The following SLC5A8 variants were observed in gnomAD, a reference collection of about 807,000 sequenced individuals.
SLC5A8 encodes the protein solute carrier family 5 member 8, also known as sodium-coupled monocarboxylate transporter 1.
In SLC5A8, 55 loss-of-function variants were observed where a neutral mutation model predicts 71.9. That is an observed-to-expected ratio of 0.77 (90% confidence interval 0.62 to 0.96). The LOEUF is 0.96. Ranked by LOEUF, SLC5A8 falls within the 40% of genes least tolerant of loss-of-function variation. The probability of loss-of-function intolerance (pLI) is 0.00; values close to 1 mark genes in which losing one functional copy is unlikely to be tolerated. For synonymous variants in SLC5A8, 307 were observed against 276.1 expected (o/e 1.11, Z -1.11); for missense variants, 701 against 745.3 (o/e 0.94, Z 0.69).
intron 2 of SLC5A8, 124 bp downstream of exon 2, chr12:101,204,376 G>A: frequency 1.3e-6 from 1 of 789,928 alleles, no homozygotes; most frequent in South Asian, 1.7e-5. Flanking sequence ...TTCCTTTTTT[G>A]TTCCCTCATT....
chr12:101,161,484 GA>G (rs769153703), intron 13 of SLC5A8, among the ~76,000 whole-genome samples: 6 of 151,322 alleles, frequency 4.0e-5, no homozygotes, highest in South Asian at 2.1e-4. Flanking sequence ...ATAAATATCT[GA>G]AAAAAAAGCC....
intron 1 of SLC5A8, among the ~76,000 whole-genome samples, chr12:101,209,245 C>A (rs1869807987): frequency 6.6e-6 from 1 of 152,086 alleles, no homozygotes; most frequent in African/African-American, 2.4e-5. Flanking sequence ...TTGGAAGCCT[C>A]TTTTTTTCAC....
chr12:101,164,040 T>G (rs139951365), intron 12 of SLC5A8, among the ~76,000 whole-genome samples: 1 of 152,284 alleles, frequency 6.6e-6, no homozygotes, highest in South Asian at 2.1e-4. Context: ...AATATCTTTA[T>G]GATTGCAGGG....
At chr12:101,187,317 T>C in intron 7 of SLC5A8, 69 bp downstream of exon 7, 3 of 1,491,924 alleles carry the variant, frequency 2.0e-6, no homozygotes, top group Non-Finnish European at 2.7e-6. Flanking sequence ...ATATGAATGC[T>C]CTTTCCTCTC....
At chr12:101,182,216 A>G (rs1163235736) in intron 9 of SLC5A8, among the ~76,000 whole-genome samples, 2 of 152,240 alleles carry the variant, frequency 1.3e-5, no homozygotes, top group Non-Finnish European at 2.9e-5. Context: ...GACAGTGTAC[A>G]TAAGCAGACA....
intron 10 of SLC5A8, among the ~76,000 whole-genome samples, chr12:101,169,790 G>A (rs1158286284): frequency 2.0e-5 from 3 of 152,188 alleles, no homozygotes; most frequent in East Asian, 1.9e-4. Context: ...CCTGGGCACT[G>A]CAGTAGGAAC....
At chr12:101,201,546 C>T (rs1029659991) in intron 3 of SLC5A8, among the ~76,000 whole-genome samples, 2 of 152,170 alleles carry the variant, frequency 1.3e-5, no homozygotes, top group African/African-American at 4.8e-5. Flanking sequence ...CTAGCATGAA[C>T]GTTTGCTTCA....
At chr12:101,179,751 A>G (rs951532972) in intron 10 of SLC5A8, among the ~76,000 whole-genome samples, 37 of 152,232 alleles carry the variant, frequency 2.4e-4, no homozygotes, top group Non-Finnish European at 2.5e-4. Context: ...TTGATATTGT[A>G]CTATCAAGAT....
At chr12:101,171,504 G>A (rs2137131287) in intron 10 of SLC5A8, among the ~76,000 whole-genome samples, 1 of 152,298 alleles carries the variant, frequency 6.6e-6, no homozygotes, top group South Asian at 2.1e-4. Context: ...TCTTCTGTAG[G>A]ACGGTGAGTA....
chr12:101,200,029 A>AAAAAAAAAAAAAAAAAAAAAG (rs1869376663), intron 3 of SLC5A8, among the ~76,000 whole-genome samples: 1 of 103,130 alleles, frequency 9.7e-6, no homozygotes, highest in African/African-American at 4.1e-5. Flanking sequence ...AAAAAAAAAA[A>AAAAAAAAAAAAAAAAAAAAAG]AAAAAAAAAA....
chr12:101,197,439 TTGAAG>T (rs1426888059), intron 3 of SLC5A8, among the ~76,000 whole-genome samples: 1 of 152,152 alleles, frequency 6.6e-6, no homozygotes, highest in Non-Finnish European at 1.5e-5. Context: ...TTCCAAAAAG[TTGAAG>T]TGGAGTCTGA....
chr12:101,172,419 GGA>G (rs1441268959), intron 10 of SLC5A8, among the ~76,000 whole-genome samples: 1 of 152,268 alleles, frequency 6.6e-6, no homozygotes, highest in East Asian at 1.9e-4. Context: ...TTGGTATTAA[GGA>G]GAGTTTGCAG....
At chr12:101,160,075 G>T (rs922818074) in intron 13 of SLC5A8, among the ~76,000 whole-genome samples, 1 of 152,076 alleles carries the variant, frequency 6.6e-6, no homozygotes, top group South Asian at 2.1e-4. Flanking sequence ...CCAGCTACTC[G>T]GGAAGCTGAG....
In SLC5A8 at chr12:101,168,112, G is replaced by A; in HGVS notation, c.1304C>T (p.Pro435Leu). ...TGTACTTACAATTGAGTTGGCAAAG[G>A]GAACCAAAATGCCCAAAGCGAACAG... ...MGLFALGILV[P>L]FANSIGALVG... is the part of the protein sequence containing the mutation. The change falls in exon 11 of 15, where the codon CCC becomes CTC. Residue 435 changes from proline (P) to leucine (L), a missense_variant. Physicochemically the swap from Pro to Leu is moderately conservative, Grantham distance 98 (BLOSUM62 -3). Coordinates refer to ENST00000536262, the MANE Select transcript of SLC5A8 (RefSeq NM_145913.5). 2 of 1,608,984 alleles carry A rather than the reference G, an allele frequency of 1.2e-6. No homozygotes were observed. The highest frequency in any genetic ancestry group is 1.7e-6 in the Non-Finnish European group (2 of 1,177,516).
In SLC5A8 at chr12:101,195,119, C is replaced by A. The variant is rs1291686164; in HGVS notation, c.513G>T (p.Val171=). Residue 171 remains valine, a synonymous_variant, in exon 4 of 15, where the codon GTG becomes GTT. Transcript: ENST00000536262. ...DLWGAVVATG[V]VCTFYCTLGG... is the part of the protein sequence containing the mutation. ...CCAGTGTGCAGTAGAATGTGCAGAC[C>A]ACCCCCGTTGCCACTACCGCGCCCC... The A allele has an allele frequency of 6.2e-7, 1 of 1,614,048 alleles. No individual in the cohort carries two copies. Among genetic ancestry groups the A allele is most frequent in the Non-Finnish European group, 8.5e-7 (1 of 1,179,998 alleles).
chr12:101,210,015 G>A lies in SLC5A8; in HGVS notation c.-167C>T. 1.7e-6 allele frequency: 1 copy of A among 581,082 alleles called. No homozygotes were observed. Among genetic ancestry groups the A allele is most frequent in the East Asian group, 3.3e-5 (1 of 30,510 alleles). The allele number at this position is 581,082 out of a possible 1,614,324, so 36.0% of individuals were successfully genotyped here. Reference sequence around the variant, plus strand: ...GCCTCCGAACGCACCCCGAGGCGGGGTGAGGGCTGGCAGTCGCCCCTGCAC... The same window carrying A: ...GCCTCCGAACGCACCCCGAGGCGGGATGAGGGCTGGCAGTCGCCCCTGCAC... On this transcript the variant is annotated 5_prime_UTR_variant, in exon 1 of 15. Coordinates refer to ENST00000536262, the MANE Select transcript of SLC5A8 (RefSeq NM_145913.5).
chr12:101,161,661 C>A (rs1299681475), intron 13 of SLC5A8, among the ~76,000 whole-genome samples: 1 of 152,100 alleles, frequency 6.6e-6, no homozygotes, highest in Non-Finnish European at 1.5e-5. Flanking sequence ...TTATTTTTGT[C>A]TTACAGCAAC....
chr12:101,192,288 T>G (rs182077246), intron 5 of SLC5A8, among the ~76,000 whole-genome samples: 1 of 152,344 alleles, frequency 6.6e-6, no homozygotes. Context: ...TCAAAGTTGA[T>G]TCACTAAAAT....
chr12:101,200,045 A>AAAAAAAAAAAAAAAAC (rs1224456929), intron 3 of SLC5A8, among the ~76,000 whole-genome samples: 1 of 102,672 alleles, frequency 9.7e-6, no homozygotes, highest in Non-Finnish European at 1.9e-5. Flanking sequence ...AAAAAAAAAA[A>AAAAAAAAAAAAAAAAC]AAAAAAAAAG....
Sources: gnomAD v4.1 joint callset for allele counts (sites outside exome capture counted in the v4.1 genomes callset) on GRCh38, gnomAD v4.1.1 for gene constraint, MANE v1.5 for transcripts, NCBI Gene and HGNC (gene_info 2026-07-23, HGNC 2026-07-21) for gene names.